MEGF6: variants seen among roughly 807,000 people sequenced by gnomAD.
The protein encoded by MEGF6 is multiple epidermal growth factor-like domains protein 6.
A neutral mutation model predicts 207.1 loss-of-function variants in MEGF6; 184 were observed. That is an observed-to-expected ratio of 0.89 (90% CI 0.79 to 1.00). The LOEUF is 1.00. Among genes scored for constraint, MEGF6 ranks in the 50% least tolerant of loss-of-function variants. The pLI, the probability that MEGF6 is intolerant of heterozygous loss-of-function variation, is 0.00. For synonymous variants in MEGF6, 1,038 were observed against 910.0 expected (o/e 1.14, Z -2.53); for missense variants, 2,282 against 2,202.9 (o/e 1.04, Z -0.72).
chr1:3,551,304 G>T (rs549379951), intron 4 of MEGF6, among the ~76,000 whole-genome samples: 1 of 152,230 alleles, frequency 6.6e-6, no homozygotes, highest in Non-Finnish European at 1.5e-5. Flanking sequence ...GTCTCAGCCA[G>T]CATGAATCAC....
rs1326019427 is a variant in MEGF6 at position 3,602,593 on chromosome 1, C to T, written c.139G>A (p.Val47Met). Reference protein sequence around the residue: ...LLPLQPGMPHVCAEQELTLVG... With the variant: ...LLPLQPGMPHMCAEQELTLVG... ...AGGGTCAGCTCCTGCTCAGCACACACGTGGGGCCTGGAACAGAGACACGGA... is the reference window on the plus strand; with the variant it reads ...AGGGTCAGCTCCTGCTCAGCACACATGTGGGGCCTGGAACAGAGACACGGA... Residue 47 changes from valine to methionine, a missense_variant, in exon 2 of 37, where the codon GTG (valine) becomes ATG (methionine). By Grantham distance (21) the Val-to-Met change is conservative (BLOSUM62 1). Transcript: ENST00000356575. 15 of 1,608,744 alleles carry T rather than the reference C, an allele frequency of 9.3e-6. No homozygotes were observed. The highest frequency in any genetic ancestry group is 1.2e-5 in the Non-Finnish European group (14 of 1,177,296).
In MEGF6 at chr1:3,514,663, G is replaced by A. The variant is rs764839949; in HGVS notation, c.740C>T (p.Pro247Leu). The change falls in exon 7 of 37, where the codon CCG (proline) becomes CTG (leucine). Residue 247 changes from proline to leucine, a missense_variant. Coordinates refer to ENST00000356575, the MANE Select transcript of MEGF6 (RefSeq NM_001409.4). Reference protein sequence around the residue: ...EDGRHCVRRSPCANRNGSCMH... With the variant: ...EDGRHCVRRSLCANRNGSCMH... ...GCAGCTGCCGTTCCTGTTGGCACAC[G>A]GGCTTCTACCTGCAGCCACGGGCCC... 3.8e-5 allele frequency: 60 copies of A among 1,580,322 alleles called. No homozygotes were observed. Among genetic ancestry groups the A allele is most frequent in the South Asian group, 2.3e-4 (20 of 87,540 alleles).
chr1:3,530,883 G>C lies in MEGF6; in HGVS notation c.482-6637C>G, dbSNP rs1002269845. On this transcript the variant is annotated intron_variant, in intron 4 of 36. Coordinates refer to ENST00000356575, the MANE Select transcript of MEGF6 (RefSeq NM_001409.4). ...AGCCTCTGCCGACAGCCCTGAGAGG[G>C]GACGGGGGTGACCGACTCCTCAGCG... Among the ~76,000 whole-genome samples the C allele has an allele frequency of 2.0e-5, 3 of 152,370 alleles. 1 individual carries two copies. Among genetic ancestry groups the C allele is most frequent in the East Asian group, 1.9e-4 (1 of 5,178 alleles).
chr1:3,518,548 C>T (rs927019225), intron 5 of MEGF6, among the ~76,000 whole-genome samples: 5 of 152,354 alleles, frequency 3.3e-5, no homozygotes, highest in Admixed American at 6.5e-5. Context: ...AGCCTCTGAG[C>T]TCGTTGGCTG....
At chr1:3,602,626 C>T (rs372365662) in intron 1 of MEGF6, 26 bp from the exon 2 acceptor site, 53 of 1,583,114 alleles carry the variant, frequency 3.3e-5, no homozygotes, top group South Asian at 2.6e-4. Context: ...GGAGAGTCAG[C>T]GCCTCGGCCA....
Position 3,518,875 on chromosome 1 carries a change from G to A in MEGF6, c.605-3348C>T, listed in dbSNP as rs114151963. ...TGTTCATCCCCCAGCTCCCCTCCAG[G>A]CGGGCCTGCCCTGTACACCTGCCCC... On this transcript the variant is annotated intron_variant, in intron 5 of 36. Transcript: ENST00000356575. 5.8e-3 allele frequency among the ~76,000 whole-genome samples: 884 copies of A among 152,296 alleles called. 5 individuals carry two copies. Among genetic ancestry groups the A allele is most frequent in the Non-Finnish European group, 9.6e-3 (651 of 68,018 alleles).
intron 4 of MEGF6, among the ~76,000 whole-genome samples, chr1:3,564,995 C>T (rs757011778): frequency 2.0e-5 from 3 of 152,208 alleles, no homozygotes; most frequent in African/African-American, 7.2e-5. Context: ...CAGGCACCAC[C>T]GCTGAATTAC....
chr1:3,493,659 A>G (rs74050550), intron 34 of MEGF6, 112 bp downstream of exon 34: 117,850 of 1,421,442 alleles, frequency 0.083, 7,519 homozygotes, highest in African/African-American at 0.3. Flanking sequence ...AGAGGCAACA[A>G]GAGGGGTTGG....
At chr1:3,553,713 C>T (rs1322598631) in intron 4 of MEGF6, among the ~76,000 whole-genome samples, 1 of 152,176 alleles carries the variant, frequency 6.6e-6, no homozygotes, top group Non-Finnish European at 1.5e-5. Flanking sequence ...AACCAGCTGG[C>T]CCGGAGTCCA....
intron 1 of MEGF6, among the ~76,000 whole-genome samples, chr1:3,603,562 A>C (rs1370123634): frequency 2.6e-5 from 4 of 152,076 alleles, no homozygotes; most frequent in Non-Finnish European, 4.4e-5. Flanking sequence ...AGGGCCAGGC[A>C]TACCTGGTGC....
At chr1:3,523,935 C>T (rs558423119) in intron 5 of MEGF6, among the ~76,000 whole-genome samples, 189 bp downstream of exon 5, 2 of 152,218 alleles carry the variant, frequency 1.3e-5, no homozygotes, top group Non-Finnish European at 2.9e-5. Context: ...GTCCTTTTAC[C>T]GGCCTGAGCC....
intron 3 of MEGF6, among the ~76,000 whole-genome samples, chr1:3,592,129 C>T (rs1312812227): frequency 1.3e-5 from 2 of 152,202 alleles, no homozygotes; most frequent in Admixed American, 1.3e-4. Flanking sequence ...GCCAGCCCAA[C>T]AACCTCACAC....
At chr1:3,516,269 CTGGGCACCCAGGG>C (rs1641538761) in intron 5 of MEGF6, among the ~76,000 whole-genome samples, 1 of 152,230 alleles carries the variant, frequency 6.6e-6, no homozygotes, top group Non-Finnish European at 1.5e-5. Flanking sequence ...CTGGGCCAGG[CTGGGCACCCAGGG>C]TGGGCACTGG....
chr1:3,616,218 A>G (rs1644377558), upstream of MEGF6, among the ~76,000 whole-genome samples: 1 of 152,176 alleles, frequency 6.6e-6, no homozygotes, highest in African/African-American at 2.4e-5. Context: ...AGAGTCCCAC[A>G]GAGAGATGCA....
intron 4 of MEGF6, among the ~76,000 whole-genome samples, chr1:3,570,126 C>A (rs948698424): frequency 6.7e-4 from 102 of 152,172 alleles, no homozygotes; most frequent in African/African-American, 2.4e-3. Flanking sequence ...AGGAGGTGGC[C>A]CAGCCTGAGC....
At chr1:3,491,733 A>G (rs1432171328) in intron 35 of MEGF6, among the ~76,000 whole-genome samples, 1 of 142,482 alleles carries the variant, frequency 7.0e-6, no homozygotes, top group African/African-American at 2.6e-5. Context: ...CTCTGCAGAG[A>G]CAACCTTTCC....
chr1:3,606,414 G>A (rs1454929480), intron 1 of MEGF6, among the ~76,000 whole-genome samples: 3 of 152,206 alleles, frequency 2.0e-5, no homozygotes, highest in Admixed American at 6.5e-5. Context: ...AGGTCTCACC[G>A]CCAAGCAGCC....
chr1:3,500,970 C>T lies in MEGF6; in HGVS notation c.2571G>A (p.Gln857=). The T allele has an allele frequency of 6.2e-7, 1 of 1,611,712 alleles. No homozygotes were observed. The highest frequency in any genetic ancestry group is 8.5e-7 in the Non-Finnish European group (1 of 1,179,958). The change falls in exon 20 of 37, where the codon CAG becomes CAA. Residue 857 remains glutamine, a synonymous_variant. Transcript: ENST00000356575. The part of the protein sequence containing the change: ...CAPGWTGFSC[Q]RACDTGHWGP... ...GCAAGCCAAGGGCCCCCGTACCTCTCTGGCAGCTAAAGCCGGTCCACCCGG... is the reference window on the plus strand; with the variant it reads ...GCAAGCCAAGGGCCCCCGTACCTCTTTGGCAGCTAAAGCCGGTCCACCCGG...
Position 3,509,056 on chromosome 1 carries a change from G to A in MEGF6, c.1528+19C>T, listed in dbSNP as rs1462145877. On this transcript the variant is annotated intron_variant, in intron 12 of 36. Coordinates refer to ENST00000356575, the MANE Select transcript of MEGF6 (RefSeq NM_001409.4). ...TGGCCCTGCGAGCAGGAGCCCCCGGGGGCTGGGCCCGCGCTCACCAAACTT... is the reference window on the plus strand; with the variant it reads ...TGGCCCTGCGAGCAGGAGCCCCCGGAGGCTGGGCCCGCGCTCACCAAACTT... The A allele has an allele frequency of 2.6e-5, 40 of 1,530,924 alleles. No homozygotes were observed. The highest frequency in any genetic ancestry group is 3.3e-5 in the Non-Finnish European group (38 of 1,141,104). The allele number at this position is 1,530,924 out of a possible 1,614,324, so 94.8% of individuals were successfully genotyped here. A position where few individuals can be genotyped will look rare whatever the true frequency, so the allele number is the denominator to read the frequency against.
Sources: allele counts gnomAD v4.1 joint callset (sites outside exome capture counted in the v4.1 genomes callset), GRCh38; gene constraint gnomAD v4.1.1; transcripts MANE v1.5; gene names NCBI Gene and HGNC (gene_info 2026-07-23, HGNC 2026-07-21).